Variants in MTCL1 observed in about 807,000 individuals in gnomAD.
MTCL1 encodes microtubule cross-linking factor 1.
A neutral mutation model predicts 141.4 loss-of-function variants in MTCL1; 79 were observed. The observed-to-expected ratio is 0.56, with a 90% CI of 0.47 to 0.67. The LOEUF (loss-of-function observed/expected upper bound fraction) is 0.67, where lower values mean the gene tolerates loss of function less well. MTCL1 is among the 30% of genes least tolerant of loss of function. MTCL1 has a pLI of 0.00. For missense variants in MTCL1, 2,177 were observed against 2,113.9 expected (o/e 1.03, Z -0.59); for synonymous variants, 914 against 875.8 (o/e 1.04, Z -0.77).
At chr18:8,829,514 G>C (rs945735157) in intron 16 of MTCL1, 3 of 953,612 alleles carry the variant, frequency 3.1e-6, no homozygotes, top group Non-Finnish European at 3.7e-6. Flanking sequence ...ATAAATATTT[G>C]TTGAATGAAT....
chr18:8,794,180 T>G (rs925193608), intron 8 of MTCL1, among the ~76,000 whole-genome samples: 1 of 152,238 alleles, frequency 6.6e-6, no homozygotes, highest in Non-Finnish European at 1.5e-5. Context: ...AAAAAAATGT[T>G]TGCATGGCAC....
intron 4 of MTCL1, among the ~76,000 whole-genome samples, chr18:8,732,974 G>C (rs2096258336): frequency 6.6e-6 from 1 of 152,252 alleles, no homozygotes; most frequent in East Asian, 1.9e-4. Context: ...TCATCTTTGG[G>C]TGCGGATGTG....
In MTCL1 at chr18:8,764,163, G is replaced by GA. The variant is rs1253362330; in HGVS notation, c.358-13663dup. 4.6e-5 allele frequency among the ~76,000 whole-genome samples: 7 copies of GA among 151,756 alleles called. No individual in the cohort carries two copies. In the East Asian group the frequency reaches 1.4e-3, roughly 29 times the overall value. On this transcript the variant is annotated intron_variant, in intron 4 of 16. Transcript: ENST00000359865. Reference sequence around the variant, plus strand: ...AATAGTGGGTCTTTTTTTCTACTTTGAAAAAAAGGAGGGGGTGATTAGGAC... The same window carrying GA: ...AATAGTGGGTCTTTTTTTCTACTTTGAAAAAAAAGGAGGGGGTGATTAGGAC...
intron 4 of MTCL1, among the ~76,000 whole-genome samples, chr18:8,722,469 C>T (rs1248931571): frequency 6.6e-6 from 1 of 152,218 alleles, no homozygotes; most frequent in African/African-American, 2.4e-5. Context: ...CTACTGTAGA[C>T]TGGAAGCCTT....
intron 10 of MTCL1, among the ~76,000 whole-genome samples, chr18:8,805,116 TATAG>T (rs879302503): frequency 6.6e-5 from 10 of 151,020 alleles, no homozygotes; most frequent in Non-Finnish European, 1.2e-4. Flanking sequence ...TATATATATA[TATAG>T]AATTTTAGGT....
intron 4 of MTCL1, among the ~76,000 whole-genome samples, chr18:8,750,161 A>C (rs1358317639): frequency 6.6e-6 from 1 of 151,536 alleles, no homozygotes; most frequent in Non-Finnish European, 1.5e-5. Context: ...CTCCCACCTC[A>C]GCCTCCCACT....
chr18:8,763,225 G>A (rs761259071), intron 4 of MTCL1, among the ~76,000 whole-genome samples: 6 of 152,218 alleles, frequency 3.9e-5, no homozygotes, highest in Non-Finnish European at 8.8e-5. Flanking sequence ...GGAGTTACCA[G>A]GGGGTTAGAA....
At position 8,779,675 on chromosome 18, in the gene MTCL1, T is replaced by G. The variant is rs960127503; in HGVS notation, c.417+1783T>G. 2.6e-5 allele frequency among the ~76,000 whole-genome samples: 4 copies of G among 151,850 alleles called. No homozygotes were observed. The highest frequency in any genetic ancestry group is 9.7e-5 in the African/African-American group (4 of 41,294). ...TGACTCCTTCATTTAATATACACTC[T>G]CCCATGGCTTCCAGGACAGTCTTTC... On this transcript the variant is annotated intron_variant, in intron 5 of 16. Coordinates refer to ENST00000359865, the Ensembl canonical transcript of MTCL1. The surrounding 1 kb of genome is among the most constrained non-coding windows in gnomAD (Gnocchi z 4.1).
chr18:8,744,837 CTA>C (rs1263852800), intron 4 of MTCL1, among the ~76,000 whole-genome samples: 2 of 152,198 alleles, frequency 1.3e-5, no homozygotes, highest in African/African-American at 4.8e-5. Context: ...CCAAACTTCT[CTA>C]TGAGAGTCCT....
At chr18:8,805,913 T>C (rs1007946476) in intron 10 of MTCL1, among the ~76,000 whole-genome samples, 7 of 152,232 alleles carry the variant, frequency 4.6e-5, no homozygotes, top group Non-Finnish European at 1.0e-4. Context: ...CCTTCTGATA[T>C]AATGCCCTTG....
At chr18:8,783,507 C>A in intron 5 of MTCL1, 23 bp from the exon 5 acceptor site, 1 of 1,565,068 alleles carries the variant, frequency 6.4e-7, no homozygotes, top group Non-Finnish European at 8.7e-7. Context: ...TAACCCTTCT[C>A]CCGGGCTGTT....
At chr18:8,801,086 C>T (rs1158149631) in intron 10 of MTCL1, among the ~76,000 whole-genome samples, 1 of 152,202 alleles carries the variant, frequency 6.6e-6, no homozygotes, top group Non-Finnish European at 1.5e-5. Flanking sequence ...GTCGGGGCTT[C>T]TGTGCTGCGT....
rs151231572 is a variant in MTCL1 at position 8,785,889 on chromosome 18, A to C, written c.1732-47A>C. Reference sequence around the variant, plus strand: ...CTTTGTTTGTTTGTTTTTTTGTTTAAAATTTTAAAGAACAACAACAACAAA... The same window carrying C: ...CTTTGTTTGTTTGTTTTTTTGTTTACAATTTTAAAGAACAACAACAACAAA... On this transcript the variant is annotated intron_variant, in intron 6 of 16. Transcript: ENST00000359865. 159 of 1,523,936 alleles carry C rather than the reference A, an allele frequency of 1.0e-4. No individual in the cohort carries two copies. The African/African-American group carries it at 1.8e-3, about 18-fold the overall frequency. The allele number at this position is 1,523,936 out of a possible 1,614,324, so 94.4% of individuals were successfully genotyped here.
intron 12 of MTCL1, 129 bp from the exon 12 acceptor site, chr18:8,818,834 A>G: frequency 1.1e-6 from 1 of 941,410 alleles, no homozygotes; most frequent in Non-Finnish European, 1.6e-6. Context: ...AACTTTAAGA[A>G]CATTTGCTTC....
At chr18:8,730,246 G>A (rs779993497) in intron 4 of MTCL1, among the ~76,000 whole-genome samples, 11 of 152,010 alleles carry the variant, frequency 7.2e-5, no homozygotes, top group African/African-American at 1.9e-4. Flanking sequence ...CAGCAGATCC[G>A]AATCCCATTT....
chr18:8,761,402 C>T (rs913830333), intron 4 of MTCL1, among the ~76,000 whole-genome samples: 2 of 152,216 alleles, frequency 1.3e-5, no homozygotes, highest in African/African-American at 2.4e-5. Flanking sequence ...GCATTAAGTA[C>T]ATCACAGTGT....
intron 4 of MTCL1, among the ~76,000 whole-genome samples, chr18:8,752,702 T>C (rs946817668): frequency 6.6e-6 from 1 of 152,254 alleles, no homozygotes; most frequent in Non-Finnish European, 1.5e-5. Context: ...AAAGACAGTC[T>C]AGAAATGATG....
At position 8,786,110 on chromosome 18, in the gene MTCL1, T is replaced by TCCCCGCCCCCCCC; in HGVS notation, c.1887+23_1887+24insGCCCCCCCCCCCC. The TCCCCGCCCCCCCC allele has an allele frequency of 3.1e-6, 4 of 1,310,348 alleles. No individual in the cohort carries two copies. The highest frequency in any genetic ancestry group is 4.0e-6 in the Non-Finnish European group (4 of 990,148). The allele number at this position is 1,310,348 out of a possible 1,614,324, so 81.2% of individuals were successfully genotyped here. On this transcript the variant is annotated intron_variant, in intron 7 of 16. Transcript: ENST00000359865. ...CCTGGAGGTCAGCGTGGGCAAGCAA[T>TCCCCGCCCCCCCC]CCCCCCCCCCCGCCCTCCCCCTCCT...
chr18:8,786,038 G>C (rs1367354214), exon 7 of MTCL1: 4 of 1,604,822 alleles, frequency 2.5e-6, no homozygotes, highest in Non-Finnish European at 3.4e-6. Context: ...CCGCCGCGCA[G>C]ACGGGGACAC....
Sources: allele counts gnomAD v4.1 joint callset (sites outside exome capture counted in the v4.1 genomes callset), GRCh38; gene constraint gnomAD v4.1.1; non-coding constraint Gnocchi (gnomAD v3.1); transcripts MANE v1.5; gene names NCBI Gene and HGNC (gene_info 2026-07-23, HGNC 2026-07-21).